The following MED27 variants were observed in gnomAD, a reference collection of about 807,000 sequenced individuals.
MED27 encodes mediator of RNA polymerase II transcription subunit 27.
Under a neutral mutation model 38.2 loss-of-function variants are expected in MED27, and 30 were observed. That is an observed-to-expected ratio of 0.79 (90% CI 0.59 to 1.07). MED27 has a LOEUF of 1.07. MED27 is among the 50% of genes least tolerant of loss of function. The pLI is 0.00. For missense variants in MED27, 289 were observed against 397.5 expected (o/e 0.73, Z 2.32); for synonymous variants, 122 against 153.5 (o/e 0.79, Z 1.52).
At chr9:131,974,325 CAGA>C (rs1831556469) in intron 3 of MED27, among the ~76,000 whole-genome samples, 1 of 152,200 alleles carries the variant, frequency 6.6e-6, no homozygotes, top group African/African-American at 2.4e-5. Flanking sequence ...CTGATACTTG[CAGA>C]AGAAGGTACC....
intron 2 of MED27, among the ~76,000 whole-genome samples, chr9:132,075,078 T>C (rs866006594): frequency 1.3e-5 from 2 of 152,210 alleles, no homozygotes; most frequent in Admixed American, 1.3e-4. Context: ...CACTAAAAAT[T>C]AGAAAAATAC....
chr9:131,886,700 T>C (rs1455340288), intron 5 of MED27, among the ~76,000 whole-genome samples: 1 of 152,188 alleles, frequency 6.6e-6, no homozygotes, highest in Non-Finnish European at 1.5e-5. Context: ...ACATATGAAA[T>C]TAATTCCCCA....
rs184597771 is a variant in MED27, at chr9:131,889,949, C to T, written c.681+3936G>A. On this transcript the variant is annotated intron_variant, in intron 5 of 7. Coordinates refer to ENST00000292035, the MANE Select transcript of MED27 (RefSeq NM_004269.4). The surrounding 1 kb of genome is among the most constrained non-coding windows in gnomAD (Gnocchi z 4.2). ...AACGCAGGCTGCGTCCCGGGAGCAGCGACGTCTCCAGCAACAACGTGCTCT... is the reference window on the plus strand; with the variant it reads ...AACGCAGGCTGCGTCCCGGGAGCAGTGACGTCTCCAGCAACAACGTGCTCT... Among the ~76,000 whole-genome samples the T allele has an allele frequency of 6.6e-6, 1 of 152,306 alleles. No homozygotes were observed. The highest frequency in any genetic ancestry group is 1.9e-4 in the East Asian group (1 of 5,188).
rs985965842 is a variant in MED27, at chr9:131,860,952, C to T, written c.802-280G>A. ...CCTCCCTGGAGTCCCCGTGAACCACCGAGCAGCCTGGTGGTCTGGGGGCCA... is the reference window on the plus strand; with the variant it reads ...CCTCCCTGGAGTCCCCGTGAACCACTGAGCAGCCTGGTGGTCTGGGGGCCA... On this transcript the variant is annotated intron_variant, in intron 7 of 7. Coordinates refer to ENST00000292035, the MANE Select transcript of MED27 (RefSeq NM_004269.4). This position sits in a 1 kb window ranked among gnomAD's most constrained non-coding sequence, Gnocchi z 5.8. 9.2e-5 allele frequency among the ~76,000 whole-genome samples: 14 copies of T among 152,132 alleles called. No individual in the cohort carries two copies. Among genetic ancestry groups the T allele is most frequent in the South Asian group, 2.1e-4 (1 of 4,820 alleles).
chr9:131,922,466 A>G (rs1830411574), intron 4 of MED27, among the ~76,000 whole-genome samples: 2 of 144,364 alleles, frequency 1.4e-5, no homozygotes, highest in Non-Finnish European at 3.0e-5. Flanking sequence ...TTTGAGACAC[A>G]GTCACACTCT....
chr9:131,926,156 CTT>C (rs1830479518), intron 4 of MED27, among the ~76,000 whole-genome samples: 1 of 152,194 alleles, frequency 6.6e-6, no homozygotes, highest in Non-Finnish European at 1.5e-5. Flanking sequence ...TTGCTGGTCT[CTT>C]GTCCATTTTC....
At chr9:132,023,772 T>C (rs1832763867) in intron 2 of MED27, among the ~76,000 whole-genome samples, 1 of 152,062 alleles carries the variant, frequency 6.6e-6, no homozygotes, top group Non-Finnish European at 1.5e-5. Context: ...AATCACTGAC[T>C]GGAAAAAGAT....
chr9:132,024,678 C>G (rs1278673864), intron 2 of MED27, among the ~76,000 whole-genome samples: 1 of 152,180 alleles, frequency 6.6e-6, no homozygotes, highest in Non-Finnish European at 1.5e-5. Flanking sequence ...GGAAGACAAT[C>G]TATTACAAGA....
At chr9:131,961,575 G>A (rs1173561756) in intron 3 of MED27, among the ~76,000 whole-genome samples, 1 of 152,212 alleles carries the variant, frequency 6.6e-6, no homozygotes, top group East Asian at 1.9e-4. Flanking sequence ...GGGAAATAGT[G>A]TTTTTCCAGA....
intron 4 of MED27, among the ~76,000 whole-genome samples, chr9:131,903,432 C>T (rs756647257): frequency 6.6e-6 from 1 of 152,196 alleles, no homozygotes; most frequent in African/African-American, 2.4e-5. Context: ...GGTGGGGACA[C>T]AGAGCCAAAC....
At chr9:131,946,114 T>C (rs1336708330) in intron 3 of MED27, among the ~76,000 whole-genome samples, 1 of 152,210 alleles carries the variant, frequency 6.6e-6, no homozygotes, top group East Asian at 1.9e-4. Flanking sequence ...TATTCCACTG[T>C]GTATATACAC....
intron 2 of MED27, among the ~76,000 whole-genome samples, chr9:132,046,892 C>T (rs1274623118): frequency 2.0e-5 from 3 of 151,984 alleles, no homozygotes; most frequent in Non-Finnish European, 2.9e-5. Context: ...AAATAAAGCC[C>T]CAGTTTTTTG....
chr9:131,865,634 C>T (rs372229543), intron 6 of MED27, among the ~76,000 whole-genome samples: 42 of 152,278 alleles, frequency 2.8e-4, no homozygotes, highest in African/African-American at 9.9e-4. Context: ...CCTGCTGTTC[C>T]GTAGCTCCGT....
At chr9:131,937,255 C>T (rs1830701734) in intron 4 of MED27, among the ~76,000 whole-genome samples, 4 of 152,108 alleles carry the variant, frequency 2.6e-5, no homozygotes, top group Admixed American at 2.6e-4. Flanking sequence ...TATGATTAAC[C>T]CCATGGCCCA....
At chr9:131,920,405 C>T (rs954128433) in intron 4 of MED27, among the ~76,000 whole-genome samples, 1 of 152,212 alleles carries the variant, frequency 6.6e-6, no homozygotes, top group Non-Finnish European at 1.5e-5. Flanking sequence ...TCTCTTTACA[C>T]ATACATGCAT....
rs189292624 is a variant in MED27, at chr9:132,034,711, G to C, written c.349-20244C>G. Among the ~76,000 whole-genome samples, 33 of 152,280 alleles carry C rather than the reference G, an allele frequency of 2.2e-4. 1 individual carries two copies. In the East Asian group the frequency reaches 5.8e-3, roughly 27 times the overall value. On this transcript the variant is annotated intron_variant, in intron 2 of 7. Coordinates refer to ENST00000292035, the MANE Select transcript of MED27 (RefSeq NM_004269.4). ...CCTTCCCTGGCACCCAGGGGGTTCAGGAAGAGCACCAGACTATGCACTGAC... is the reference window on the plus strand; with the variant it reads ...CCTTCCCTGGCACCCAGGGGGTTCACGAAGAGCACCAGACTATGCACTGAC...
chr9:132,007,994 A>G (rs140277961), intron 3 of MED27, among the ~76,000 whole-genome samples: 23 of 152,320 alleles, frequency 1.5e-4, no homozygotes, highest in African/African-American at 5.1e-4. Context: ...AAGCTTTCTG[A>G]AAAACTATTT....
rs78299356 is a variant in MED27 at position 131,910,639 on chromosome 9, G to A, written c.574-16647C>T. On this transcript the variant is annotated intron_variant, in intron 4 of 7. Transcript: ENST00000292035. ...GGAATCCTCACGGATTTGAAGTGCAGATGTCCTGCTATGCAGGGCTGAAAA... is the reference window on the plus strand; with the variant it reads ...GGAATCCTCACGGATTTGAAGTGCAAATGTCCTGCTATGCAGGGCTGAAAA... 2.4e-3 allele frequency among the ~76,000 whole-genome samples: 365 copies of A among 152,298 alleles called. 13 individuals carry two copies. The East Asian group carries it at 0.047, about 20-fold the overall frequency.
intron 2 of MED27, among the ~76,000 whole-genome samples, chr9:132,025,084 T>TA (rs1832790000): frequency 6.6e-6 from 1 of 151,886 alleles, no homozygotes; most frequent in Non-Finnish European, 1.5e-5. Flanking sequence ...AATACAGGAC[T>TA]ACGGCTTTTC....
Sources: allele counts gnomAD v4.1 joint callset (sites outside exome capture counted in the v4.1 genomes callset), GRCh38; gene constraint gnomAD v4.1.1; non-coding constraint Gnocchi (gnomAD v3.1); transcripts MANE v1.5; gene names NCBI Gene and HGNC (gene_info 2026-07-23, HGNC 2026-07-21).